CEP112: variants seen among roughly 807,000 people sequenced by gnomAD.
CEP112 encodes centrosomal protein 112, also known as centrosomal protein of 112 kDa.
CEP112 carries 127 observed loss-of-function variants against 153.0 expected under a neutral mutation model. The observed-to-expected ratio is 0.83, with a 90% CI of 0.72 to 0.96. CEP112 has a LOEUF of 0.96. CEP112 is among the 40% of genes least tolerant of loss of function. The probability of loss-of-function intolerance (pLI) is 0.00; values close to 1 mark genes in which losing one functional copy is unlikely to be tolerated. For synonymous variants in CEP112, 358 were observed against 374.4 expected (o/e 0.96, Z 0.51); for missense variants, 1,089 against 1,101.2 (o/e 0.99, Z 0.16).
chr17:66,147,267 T>C (rs1306120246), intron 4 of CEP112, among the ~76,000 whole-genome samples: 1 of 152,170 alleles, frequency 6.6e-6, no homozygotes, highest in African/African-American at 2.4e-5. Context: ...TTGAGCAACT[T>C]TTCATGTGCT....
chr17:66,046,025 G>C (rs974120597), intron 12 of CEP112, among the ~76,000 whole-genome samples: 1 of 145,812 alleles, frequency 6.9e-6, no homozygotes, highest in Non-Finnish European at 1.5e-5. Context: ...TAAGACAGAC[G>C]TTAAAAAGTT....
chr17:65,666,553 T>C (rs1029054691), intron 24 of CEP112, among the ~76,000 whole-genome samples: 5 of 152,178 alleles, frequency 3.3e-5, no homozygotes, highest in Admixed American at 6.5e-5. Flanking sequence ...TATGTCTTAA[T>C]TGATGCAAGC....
chr17:65,733,204 G>A (rs1266251181), intron 23 of CEP112, among the ~76,000 whole-genome samples: 1 of 152,104 alleles, frequency 6.6e-6, no homozygotes, highest in Non-Finnish European at 1.5e-5. Flanking sequence ...AGAGAGATGG[G>A]GGAATGGCCA....
chr17:65,790,644 T>C (rs569179372), intron 21 of CEP112, among the ~76,000 whole-genome samples: 1 of 152,330 alleles, frequency 6.6e-6, no homozygotes, highest in Non-Finnish European at 1.5e-5. Context: ...CTATATTTTC[T>C]AAACACAGGG....
At chr17:65,970,211 G>A (rs1048679349) in intron 17 of CEP112, among the ~76,000 whole-genome samples, 1 of 110,308 alleles carries the variant, frequency 9.1e-6, no homozygotes, top group African/African-American at 3.0e-5. Flanking sequence ...TGCATGTCAT[G>A]CATGCATATA....
At chr17:65,849,750 G>A (rs2146290803) in intron 21 of CEP112, among the ~76,000 whole-genome samples, 1 of 152,274 alleles carries the variant, frequency 6.6e-6, no homozygotes. Context: ...CTGAAGCCAA[G>A]GTGAAGTGAG....
Position 66,073,419 on chromosome 17 carries a change from T to A in CEP112, c.769-3418A>T, listed in dbSNP as rs545189944. On this transcript the variant is annotated intron_variant, in intron 8 of 26. Coordinates refer to ENST00000535342, the MANE Select transcript of CEP112 (RefSeq NM_001199165.4). Reference sequence around the variant, plus strand: ...CAGGGTACTAAAAGAGGTATAAGCTTCCCAGAAGATTTCCCTGTCACTCCT... The same window carrying A: ...CAGGGTACTAAAAGAGGTATAAGCTACCCAGAAGATTTCCCTGTCACTCCT... Among the ~76,000 whole-genome samples, 3 of 152,290 alleles carry A rather than the reference T, an allele frequency of 2.0e-5. No individual in the cohort carries two copies. The East Asian group carries it at 5.8e-4, about 29-fold the overall frequency.
At chr17:66,033,931 T>G (rs1453116445) in intron 12 of CEP112, among the ~76,000 whole-genome samples, 1 of 152,188 alleles carries the variant, frequency 6.6e-6, no homozygotes, top group Non-Finnish European at 1.5e-5. Flanking sequence ...ATGGGTCCAT[T>G]TATATGCAGA....
At chr17:66,153,771 A>G (rs1370587952) in intron 4 of CEP112, among the ~76,000 whole-genome samples, 1 of 152,148 alleles carries the variant, frequency 6.6e-6, no homozygotes, top group Non-Finnish European at 1.5e-5. Context: ...AAGCTACAGT[A>G]TTAAGGCAGT....
intron 16 of CEP112, among the ~76,000 whole-genome samples, chr17:66,020,069 G>A (rs184855451): frequency 2.0e-4 from 30 of 152,220 alleles, no homozygotes; most frequent in Admixed American, 5.2e-4. Context: ...ACTACAGCCT[G>A]TCTGTCTCAC....
At chr17:65,701,899 T>G (rs1242992283) in intron 23 of CEP112, among the ~76,000 whole-genome samples, 1 of 131,836 alleles carries the variant, frequency 7.6e-6, no homozygotes, top group Non-Finnish European at 1.6e-5. Flanking sequence ...TTTTTTTTTG[T>G]TTTTTTTTTT....
chr17:65,752,619 C>T (rs183204332), intron 21 of CEP112, among the ~76,000 whole-genome samples: 1 of 152,286 alleles, frequency 6.6e-6, no homozygotes, highest in Non-Finnish European at 1.5e-5. Context: ...GGCCATCTGT[C>T]CCAAATGCAG....
rs2069313838 is a variant in CEP112 at position 66,116,794 on chromosome 17, TA to T, written c.642+12951del. On this transcript the variant is annotated intron_variant, in intron 6 of 26. Coordinates refer to ENST00000535342, the MANE Select transcript of CEP112 (RefSeq NM_001199165.4). ...GTCTTTGTTCTGGAACCATACTTTTTATTCACTTTTAGAAACTGCCATACCA... is the reference window on the plus strand; with the variant it reads ...GTCTTTGTTCTGGAACCATACTTTTTTTCACTTTTAGAAACTGCCATACCA... Among the ~76,000 whole-genome samples, 6 of 152,222 alleles carry T rather than the reference TA, an allele frequency of 3.9e-5. 1 individual carries two copies. In the South Asian group the frequency reaches 1.2e-3, roughly 32 times the overall value.
At chr17:65,652,138 T>C (rs1185273270) in intron 24 of CEP112, among the ~76,000 whole-genome samples, 1 of 152,210 alleles carries the variant, frequency 6.6e-6, no homozygotes, top group East Asian at 1.9e-4. Flanking sequence ...TGTAGAGTGT[T>C]TGGAGCTGAG....
rs3074178 is a variant in CEP112 at position 65,704,420 on chromosome 17, T to TACACACAC, written c.2608-15210_2608-15203dup. 9.9e-3 allele frequency among the ~76,000 whole-genome samples: 1,462 copies of TACACACAC among 147,786 alleles called. 13 individuals are homozygous for TACACACAC. The highest frequency in any genetic ancestry group is 0.038 in the East Asian group (190 of 4,972). ...ATTTTCTCTTGTAAAACGTGTAAAA[T>TACACACAC]ACACACACACACACACACACACACA... On this transcript the variant is annotated intron_variant, in intron 23 of 26. Coordinates refer to ENST00000535342, the MANE Select transcript of CEP112 (RefSeq NM_001199165.4).
chr17:66,029,260 C>T lies in CEP112; in HGVS notation c.1374-8G>A. The T allele has an allele frequency of 6.2e-7, 1 of 1,603,126 alleles. No homozygotes were observed. On this transcript the variant is annotated splice_region_variant and splice_polypyrimidine_tract_variant and intron_variant, in intron 13 of 26. Coordinates refer to ENST00000535342, the MANE Select transcript of CEP112 (RefSeq NM_001199165.4). ...TTATGCAGTGTGTTACGCCTAAAAACAAGAGAATAAAATAGACTTTCAATG... is the reference window on the plus strand; with the variant it reads ...TTATGCAGTGTGTTACGCCTAAAAATAAGAGAATAAAATAGACTTTCAATG...
rs7212959 is a variant in CEP112, at chr17:65,904,529, G to A, written c.1981-2195C>T. 8.2e-3 allele frequency among the ~76,000 whole-genome samples: 1,242 copies of A among 152,204 alleles called. 18 individuals carry two copies. The highest frequency in any genetic ancestry group is 0.028 in the African/African-American group (1,168 of 41,546). On this transcript the variant is annotated intron_variant, in intron 19 of 26. Transcript: ENST00000535342. ...TATCGTGAAAATGGCCATGCTGCCC[G>A]AAGTAATTTATAGATTCAATGCTAT...
chr17:66,153,008 CAAAA>C (rs778820596), intron 4 of CEP112, among the ~76,000 whole-genome samples: 37 of 152,128 alleles, frequency 2.4e-4, no homozygotes, highest in Middle Eastern at 3.4e-3. Flanking sequence ...CTAAAATGCA[CAAAA>C]TCAAAGCCAC....
intron 24 of CEP112, among the ~76,000 whole-genome samples, chr17:65,686,139 T>G (rs1387459534): frequency 7.3e-6 from 1 of 137,284 alleles, no homozygotes; most frequent in Admixed American, 7.7e-5. Flanking sequence ...TTTTTTCAGC[T>G]ACATCCTAGG....
Sources: allele counts gnomAD v4.1 joint callset (sites outside exome capture counted in the v4.1 genomes callset), GRCh38; gene constraint gnomAD v4.1.1; transcripts MANE v1.5; gene names NCBI Gene and HGNC (gene_info 2026-07-23, HGNC 2026-07-21).